The following FHIP2B variants were observed in gnomAD, a reference collection of about 807,000 sequenced individuals.
FHIP2B encodes the protein FHF complex subunit HOOK-interacting protein 2B.
In FHIP2B, 72 loss-of-function variants were observed where a neutral mutation model predicts 84.0. The observed-to-expected ratio is 0.86, with a 90% CI of 0.71 to 1.04. The LOEUF is 1.04. Among genes scored for constraint, FHIP2B ranks in the 50% least tolerant of loss-of-function variants. The pLI, the probability that FHIP2B is intolerant of heterozygous loss-of-function variation, is 0.00. For missense variants in FHIP2B, 972 were observed against 968.9 expected (o/e 1.00, Z -0.04); for synonymous variants, 497 against 418.7 (o/e 1.19, Z -2.28).
chr8:22,102,970 C>G lies in FHIP2B; in HGVS notation c.*39C>G, dbSNP rs1826213153. ...CGGTGGGAGACTCCTGTCCACACCT[C>G]TGCCCCAGAGCTGCCTCCTGCCTGG... On this transcript the variant is annotated 3_prime_UTR_variant, in exon 17 of 17. Transcript: ENST00000289921. 1 of 1,597,948 alleles carries G rather than the reference C, an allele frequency of 6.3e-7. No homozygotes were observed. The highest frequency in any genetic ancestry group is 1.1e-5 in the South Asian group (1 of 88,950).
Position 22,102,869 on chromosome 8 carries a change from G to C in FHIP2B, c.2170G>C (p.Val724Leu). 1 of 1,613,736 alleles carries C rather than the reference G, an allele frequency of 6.2e-7. No homozygotes were observed. Among genetic ancestry groups the C allele is most frequent in the South Asian group, 1.1e-5 (1 of 91,084 alleles). Residue 724 changes from valine to leucine, a missense_variant, in exon 17 of 17, where the codon GTC (valine) becomes CTC (leucine). Val to Leu is a conservative substitution (Grantham distance 32, BLOSUM62 1). Transcript: ENST00000289921. ...FCKELAAIAFVKFPPHDPRQN... is the reference protein window; with the variant it reads ...FCKELAAIAFLKFPPHDPRQN... ...CAAGGAGCTGGCTGCCATTGCCTTC[G>C]TCAAGTTTCCCCCACATGATCCTCG... is the stretch of plus-strand genomic sequence containing the variant.
rs138542534 is a variant in FHIP2B at position 22,096,527 on chromosome 8, C to T, written c.297+18C>T. The T allele has an allele frequency of 5.9e-5, 89 of 1,503,342 alleles. 1 individual carries two copies. The highest frequency in any genetic ancestry group is 2.3e-4 in the South Asian group (18 of 78,536). The allele number at this position is 1,503,342 out of a possible 1,614,324, so 93.1% of individuals were successfully genotyped here. On this transcript the variant is annotated intron_variant, in intron 3 of 16. Coordinates refer to ENST00000289921, the MANE Select transcript of FHIP2B (RefSeq NM_022749.7). ...AGGCCGAGGTGGGAGGCCCTCTGCGCGCTGGGCCAGGCCGAGGTGGGAGGC... is the reference window on the plus strand; with the variant it reads ...AGGCCGAGGTGGGAGGCCCTCTGCGTGCTGGGCCAGGCCGAGGTGGGAGGC...
chr8:22,102,444 C>G (rs1826177123), intron 15 of FHIP2B, 84 bp from the exon 16 acceptor site: 1 of 1,526,032 alleles, frequency 6.6e-7, no homozygotes, highest in Non-Finnish European at 8.9e-7. Flanking sequence ...AGCACAGTCT[C>G]CCATGCTCTG....
intron 1 of FHIP2B, among the ~76,000 whole-genome samples, chr8:22,091,272 G>C (rs1296765578): frequency 8.8e-6 from 1 of 113,868 alleles, no homozygotes; most frequent in African/African-American, 3.3e-5. Flanking sequence ...TTTTTTTTAA[G>C]ATGGAGTCTT....
intron 13 of FHIP2B, 80 bp from the exon 14 acceptor site, chr8:22,101,628 G>A (rs897747081): frequency 4.5e-6 from 7 of 1,557,626 alleles, no homozygotes; most frequent in Non-Finnish European, 5.2e-6. Flanking sequence ...AAGGACCCCA[G>A]CCCATCCCTC....
At chr8:22,096,586 C>G in intron 3 of FHIP2B, 77 bp downstream of exon 3, 1 of 1,421,452 alleles carries the variant, frequency 7.0e-7, no homozygotes, top group Non-Finnish European at 9.2e-7. Flanking sequence ...GGTGGGAGGC[C>G]TCTGTGCGCT....
Position 22,091,480 on chromosome 8 carries a change from G to C in FHIP2B, c.45+2182G>C, listed in dbSNP as rs922965744. 3.9e-5 allele frequency among the ~76,000 whole-genome samples: 6 copies of C among 152,190 alleles called. No individual in the cohort carries two copies. In the East Asian group the frequency reaches 1.2e-3, roughly 29 times the overall value. ...GCTGGTCTCGAACTCCTGACCTTAAGTGATCCACCTGCCTTGGCCTCCCAA... is the reference window on the plus strand; with the variant it reads ...GCTGGTCTCGAACTCCTGACCTTAACTGATCCACCTGCCTTGGCCTCCCAA... On this transcript the variant is annotated intron_variant, in intron 1 of 16. Transcript: ENST00000289921.
intron 14 of FHIP2B, 46 bp from the exon 15 acceptor site, chr8:22,102,129 T>C (rs749134168): frequency 9.3e-6 from 15 of 1,612,428 alleles, no homozygotes; most frequent in East Asian, 2.2e-5. Context: ...GCAAAAATAC[T>C]CACCAGCCCT....
In FHIP2B at chr8:22,096,376, G is replaced by A. The variant is rs755749609; in HGVS notation, c.164G>A (p.Arg55Gln). The A allele has an allele frequency of 2.3e-5, 36 of 1,559,804 alleles. No individual in the cohort carries two copies. The highest frequency in any genetic ancestry group is 4.8e-5 in the East Asian group (2 of 41,670). ...GCCAAGAAGACAGACATTCCCTGGCGGCTGAAGCAGATGCTGGATATCCTG... is the reference window on the plus strand; with the variant it reads ...GCCAAGAAGACAGACATTCCCTGGCAGCTGAAGCAGATGCTGGATATCCTG... The part of the protein sequence containing the change: ...TPAKKTDIPW[R>Q]LKQMLDILVY... The change falls in exon 3 of 17, where the codon CGG (arginine) becomes CAG (glutamine). Residue 55 changes from arginine (R) to glutamine (Q), a missense_variant. By Grantham distance (43) the Arg-to-Gln change is conservative. Transcript: ENST00000289921.
Position 22,103,611 on chromosome 8 carries a change from C to G in FHIP2B, c.*680C>G, listed in dbSNP as rs1826245569. 6.6e-6 allele frequency: 1 copy of G among 152,454 alleles called. No homozygotes were observed. Among genetic ancestry groups the G allele is most frequent in the East Asian group, 1.9e-4 (1 of 5,202 alleles). 9.4% of individuals were successfully genotyped at this position (152,454 alleles called of 1,614,324 possible). On this transcript the variant is annotated 3_prime_UTR_variant, in exon 17 of 17. Transcript: ENST00000289921. ...AGCTGCAGCCAGGAGGGGAGCGGGCCCAGGAGCCAGGCTCAGGTCCAGCTG... is the reference window on the plus strand; with the variant it reads ...AGCTGCAGCCAGGAGGGGAGCGGGCGCAGGAGCCAGGCTCAGGTCCAGCTG...
Position 22,101,530 on chromosome 8 carries a change from G to T in FHIP2B, c.1707G>T (p.Leu569=). 1 of 1,609,502 alleles carries T rather than the reference G, an allele frequency of 6.2e-7. No individual in the cohort carries two copies. The stretch of plus-strand genomic sequence containing the variant: ...CATACGTCCACGATGCTTATGGCCT[G>T]GTGAGTGGCTCCTGCTACCAGCTCC... ...YDTYVHDAYG[L]FQECSSRVAS... The change falls in exon 13 of 17, where the codon CTG becomes CTT. Residue 569 remains leucine (L), a splice_region_variant and synonymous_variant. Coordinates refer to ENST00000289921, the MANE Select transcript of FHIP2B (RefSeq NM_022749.7).
chr8:22,089,472 C>G (rs1825348532), intron 1 of FHIP2B, among the ~76,000 whole-genome samples, 174 bp downstream of exon 1: 2 of 151,664 alleles, frequency 1.3e-5, no homozygotes, highest in South Asian at 2.1e-4. Flanking sequence ...CCCCGCTTCC[C>G]CTCGCTCTTC....
rs1156978033 is a variant in FHIP2B, at chr8:22,104,276, T to G, written c.*1345T>G. On this transcript the variant is annotated 3_prime_UTR_variant, in exon 17 of 17. Coordinates refer to ENST00000289921, the MANE Select transcript of FHIP2B (RefSeq NM_022749.7). ...CTGGACTCTTAGATTCATAAAATAT[T>G]CGAGGGTTTGGGAGTCACAGACCCT... 5 of 152,388 alleles carry G rather than the reference T, an allele frequency of 3.3e-5. No homozygotes were observed. Among genetic ancestry groups the G allele is most frequent in the Non-Finnish European group, 5.9e-5 (4 of 68,040 alleles). The allele number at this position is 152,388 out of a possible 1,614,324, so 9.4% of individuals were successfully genotyped here.
chr8:22,101,546 T>TACCAGCTCCCACTTCCTGTC lies in FHIP2B; in HGVS notation c.1707+17_1707+36dup. Reference sequence around the variant, plus strand: ...TTATGGCCTGGTGAGTGGCTCCTGCTACCAGCTCCCACTTCCTGTCCTTCA... The same window carrying TACCAGCTCCCACTTCCTGTC: ...TTATGGCCTGGTGAGTGGCTCCTGCTACCAGCTCCCACTTCCTGTCACCAGCTCCCACTTCCTGTCCTTCA... On this transcript the variant is annotated intron_variant, in intron 13 of 16. Coordinates refer to ENST00000289921, the MANE Select transcript of FHIP2B (RefSeq NM_022749.7). The TACCAGCTCCCACTTCCTGTC allele has an allele frequency of 6.2e-7, 1 of 1,605,738 alleles. No homozygotes were observed. Among genetic ancestry groups the TACCAGCTCCCACTTCCTGTC allele is most frequent in the Non-Finnish European group, 8.5e-7 (1 of 1,174,466 alleles).
chr8:22,099,634 G>A, intron 9 of FHIP2B, 70 bp from the exon 10 acceptor site: 1 of 1,475,040 alleles, frequency 6.8e-7, no homozygotes, highest in Non-Finnish European at 9.0e-7. Context: ...CAAGCAGGAA[G>A]GGTTCGGCCA....
In FHIP2B at chr8:22,102,252, C is replaced by T. The variant is rs1478061387; in HGVS notation, c.1929C>T (p.Tyr643=). ...TCCCCCACCCCCATATTCATGAGTA[C>T]CTGCTGGATCCGTACATCAGCCTGG... ...ALFPHPHIHE[Y]LLDPYISLAP... The change falls in exon 15 of 17, where the codon TAC becomes TAT. Residue 643 remains tyrosine, a synonymous_variant. Coordinates refer to ENST00000289921, the MANE Select transcript of FHIP2B (RefSeq NM_022749.7). The T allele has an allele frequency of 2.5e-6, 4 of 1,613,244 alleles. No individual in the cohort carries two copies. Among genetic ancestry groups the T allele is most frequent in the East Asian group, 2.2e-5 (1 of 44,856 alleles).
chr8:22,095,160 T>C (rs2131695736), intron 2 of FHIP2B: 1 of 152,564 alleles, frequency 6.6e-6, no homozygotes, highest in East Asian at 1.9e-4. Flanking sequence ...TCCCTCACTT[T>C]TCCCTTCCTG....
At chr8:22,096,846 C>A in intron 3 of FHIP2B, 1 of 219,208 alleles carries the variant, frequency 4.6e-6, no homozygotes, top group Admixed American at 5.7e-5. Context: ...CTGCCATGTG[C>A]CAGGCTCTGC....
chr8:22,097,726 C>T lies in FHIP2B; in HGVS notation c.412C>T (p.Arg138Ter), dbSNP rs1315632165. 1.3e-5 allele frequency: 21 copies of T among 1,612,918 alleles called. No individual in the cohort carries two copies. Among genetic ancestry groups the T allele is most frequent in the Non-Finnish European group, 1.7e-5 (20 of 1,179,704 alleles). ...SVHRPVQKLLRLGGTASGSVT... is the reference protein window; with the variant it reads ...SVHRPVQKLL The stretch of plus-strand genomic sequence containing the variant: ...CCTGGTGCTCTTCCAGAAACTCCTC[C>T]GACTTGGTGGGACTGCTTCCGGATC... Residue 138 changes from arginine (R) to a stop codon, truncating the protein, a stop_gained, in exon 5 of 17, where the codon CGA becomes TGA. Coordinates refer to ENST00000289921, the MANE Select transcript of FHIP2B (RefSeq NM_022749.7). LOFTEE classifies it high-confidence loss of function.
Sources: allele counts gnomAD v4.1 joint callset (sites outside exome capture counted in the v4.1 genomes callset), GRCh38; gene constraint gnomAD v4.1.1; transcripts MANE v1.5; gene names NCBI Gene and HGNC (gene_info 2026-07-23, HGNC 2026-07-21).